The following IPCEF1 variants were observed in gnomAD, a reference collection of about 807,000 sequenced individuals.
IPCEF1 encodes the protein interaction protein for cytohesin exchange factors 1, also known as interactor protein for cytohesin exchange factors 1.
A neutral mutation model predicts 50.9 loss-of-function variants in IPCEF1; 31 were observed. The ratio of observed to expected loss-of-function variants is 0.61; its 90% confidence interval spans 0.46 to 0.82. The LOEUF is 0.82. Among genes scored for constraint, IPCEF1 ranks in the 40% least tolerant of loss-of-function variants. IPCEF1 has a pLI of 0.00. For synonymous variants in IPCEF1, 181 were observed against 192.0 expected (o/e 0.94, Z 0.47); for missense variants, 458 against 514.0 (o/e 0.89, Z 1.05).
At chr6:154,233,160 G>A (rs1355908444) in intron 5 of IPCEF1, among the ~76,000 whole-genome samples, 1 of 152,060 alleles carries the variant, frequency 6.6e-6, no homozygotes, top group Non-Finnish European at 1.5e-5. Flanking sequence ...ATAGAGACAT[G>A]GTTTCGCCAT....
At chr6:154,170,002 C>T (rs1197499444) in intron 10 of IPCEF1, among the ~76,000 whole-genome samples, 3 of 152,106 alleles carry the variant, frequency 2.0e-5, no homozygotes, top group Non-Finnish European at 4.4e-5. Context: ...TTGATGATAC[C>T]GTTGGAGCCC....
At chr6:154,356,327 G>A (rs1784217141) in intron 1 of IPCEF1, among the ~76,000 whole-genome samples, 1 of 152,198 alleles carries the variant, frequency 6.6e-6, no homozygotes, top group African/African-American at 2.4e-5. Context: ...GCCCCAGAGT[G>A]CTTCCCCAAA....
intron 2 of IPCEF1, among the ~76,000 whole-genome samples, chr6:154,288,682 A>AAAAAAAAAAAAAAAAAAAAAAAAC (rs1782434105): frequency 2.1e-5 from 1 of 48,400 alleles, no homozygotes; most frequent in Admixed American, 2.5e-4. Context: ...AAAACAAAAA[A>AAAAAAAAAAAAAAAAAAAAAAAAC]AAAAAAAAAA....
chr6:154,196,954 TTC>T (rs1201829213), intron 10 of IPCEF1, among the ~76,000 whole-genome samples: 3 of 152,216 alleles, frequency 2.0e-5, no homozygotes, highest in Admixed American at 1.3e-4. Flanking sequence ...GCAAAAATAT[TTC>T]TTTCATTGTC....
intron 1 of IPCEF1, among the ~76,000 whole-genome samples, chr6:154,327,427 A>G (rs1319498409): frequency 1.3e-5 from 2 of 152,252 alleles, no homozygotes; most frequent in Non-Finnish European, 2.9e-5. Flanking sequence ...ACACTTCTCA[A>G]AAGAAGATGT....
At chr6:154,187,127 C>G (rs897263730) in intron 10 of IPCEF1, among the ~76,000 whole-genome samples, 3 of 152,152 alleles carry the variant, frequency 2.0e-5, no homozygotes, top group Admixed American at 6.5e-5. Context: ...GCCTGGAAGA[C>G]TCTTCCCCAA....
rs527913549 is a variant in IPCEF1, at chr6:154,243,600, G to A, written c.246+2991C>T. Among the ~76,000 whole-genome samples, 4 of 152,336 alleles carry A rather than the reference G, an allele frequency of 2.6e-5. No individual in the cohort carries two copies. In the East Asian group the frequency reaches 7.7e-4, roughly 29 times the overall value. On this transcript the variant is annotated intron_variant, in intron 5 of 11. Transcript: ENST00000367220. ...GGATTCAATGACAATGAGATCACAT[G>A]TAATTTCAAAGGAGAGTTGCCCTAA...
In IPCEF1 at chr6:154,168,767, G is replaced by A. The variant is rs942316062; in HGVS notation, c.911-654C>T. ...ATTACAGGCACCTGCCACCATGCCCGGCTCATTTTTATATTTTTAGTACAG... is the reference window on the plus strand; with the variant it reads ...ATTACAGGCACCTGCCACCATGCCCAGCTCATTTTTATATTTTTAGTACAG... On this transcript the variant is annotated intron_variant, in intron 10 of 11. Transcript: ENST00000367220. This position sits in a 1 kb window ranked among gnomAD's most constrained non-coding sequence, Gnocchi z 4.1. Among the ~76,000 whole-genome samples the A allele has an allele frequency of 9.2e-5, 14 of 151,630 alleles. No individual in the cohort carries two copies. The highest frequency in any genetic ancestry group is 1.7e-4 in the African/African-American group (7 of 41,280).
At chr6:154,342,587 A>AT (rs1374204704) in intron 1 of IPCEF1, among the ~76,000 whole-genome samples, 5 of 151,798 alleles carry the variant, frequency 3.3e-5, no homozygotes, top group African/African-American at 1.2e-4. Context: ...ACACCTGGCA[A>AT]TTTTTTTCAA....
At chr6:154,343,838 G>A (rs1045547604) in intron 1 of IPCEF1, among the ~76,000 whole-genome samples, 2 of 152,188 alleles carry the variant, frequency 1.3e-5, no homozygotes, top group Admixed American at 6.5e-5. Context: ...ATATGCAAAT[G>A]CAGGCCATTA....
intron 10 of IPCEF1, among the ~76,000 whole-genome samples, chr6:154,173,054 C>T (rs961717209): frequency 2.6e-5 from 4 of 152,228 alleles, no homozygotes; most frequent in Non-Finnish European, 4.4e-5. Flanking sequence ...CAGCAAACTC[C>T]AACAGACGTG....
At chr6:154,313,916 T>G (rs2128682413) in intron 1 of IPCEF1, among the ~76,000 whole-genome samples, 1 of 152,106 alleles carries the variant, frequency 6.6e-6, no homozygotes, top group Middle Eastern at 3.4e-3. Context: ...GCTAATTTTT[T>G]TTTTAATTTC....
rs61648946 is a variant in IPCEF1 at position 154,321,778 on chromosome 6, TAAAAA to T, written c.-61-32027_-61-32023del. ...CTGGGTGACAGAGAGAGACTCTTTC[TAAAAA>T]AAAAAAAAAAAAAAAAAAAAAAACC... On this transcript the variant is annotated intron_variant, in intron 1 of 11. Coordinates refer to ENST00000367220, the MANE Select transcript of IPCEF1 (RefSeq NM_001130700.2). 1.2e-4 allele frequency among the ~76,000 whole-genome samples: 6 copies of T among 51,936 alleles called. No individual in the cohort carries two copies. The East Asian group carries it at 2.1e-3, about 18-fold the overall frequency. 34.1% of individuals were successfully genotyped at this position (51,936 alleles called of 152,430 possible).
chr6:154,261,508 G>T (rs2128651970), intron 3 of IPCEF1, among the ~76,000 whole-genome samples: 1 of 152,318 alleles, frequency 6.6e-6, no homozygotes, highest in East Asian at 1.9e-4. Context: ...TGGCTGTGAA[G>T]ATGGAGAAAT....
At chr6:154,200,132 G>A (rs536614544) in intron 9 of IPCEF1, 92 bp from the exon 10 acceptor site, 321 of 1,193,704 alleles carry the variant, frequency 2.7e-4, no homozygotes, top group Non-Finnish European at 3.3e-4. Flanking sequence ...CGGTGTCCCC[G>A]TGTTATTTCA....
intron 3 of IPCEF1, among the ~76,000 whole-genome samples, chr6:154,259,892 T>C (rs757446144): frequency 3.3e-5 from 5 of 152,106 alleles, no homozygotes; most frequent in African/African-American, 4.8e-5. Flanking sequence ...TATTTCAACA[T>C]AGGGTTATGT....
intron 10 of IPCEF1, among the ~76,000 whole-genome samples, chr6:154,193,359 G>C (rs1802104369): frequency 6.6e-6 from 1 of 152,128 alleles, no homozygotes; most frequent in African/African-American, 2.4e-5. Context: ...GGGGACTCGG[G>C]GGAAAGGATA....
chr6:154,340,181 G>T (rs766740748), intron 1 of IPCEF1, among the ~76,000 whole-genome samples: 1 of 152,148 alleles, frequency 6.6e-6, no homozygotes, highest in African/African-American at 2.4e-5. Context: ...GCCTTAGGAA[G>T]TCTTGACGAC....
chr6:154,285,945 T>C (rs1026944219), intron 2 of IPCEF1, among the ~76,000 whole-genome samples: 1 of 152,064 alleles, frequency 6.6e-6, no homozygotes, highest in Admixed American at 6.6e-5. Flanking sequence ...AAGTAAAAAA[T>C]AGTAAGAAAA....
Sources: gnomAD v4.1 joint callset for allele counts (sites outside exome capture counted in the v4.1 genomes callset) on GRCh38, gnomAD v4.1.1 for gene constraint, Gnocchi (gnomAD v3.1) non-coding constraint, MANE v1.5 for transcripts, NCBI Gene and HGNC (gene_info 2026-07-23, HGNC 2026-07-21) for gene names.